The following ATXN7 variants were observed in gnomAD, a reference collection of about 807,000 sequenced individuals.
ATXN7 encodes the protein ataxin 7.
A neutral mutation model predicts 70.5 loss-of-function variants in ATXN7; 12 were observed. The observed-to-expected ratio is 0.17, with a 90% CI of 0.11 to 0.28. The LOEUF is 0.28. Among genes scored for constraint, ATXN7 ranks in the 10% least tolerant of loss-of-function variants. The pLI, the probability that ATXN7 is intolerant of heterozygous loss-of-function variation, is 1.00. For synonymous variants in ATXN7, 498 were observed against 448.7 expected, an observed-to-expected ratio of 1.11 and a Z score of -1.39; for missense variants, 1,256 against 1,131.7, an observed-to-expected ratio of 1.11 and a Z score of -1.58.
chr3:63,991,149 G>A (rs2075665369), intron 11 of ATXN7, among the ~76,000 whole-genome samples: 1 of 152,158 alleles, frequency 6.6e-6, no homozygotes, highest in Non-Finnish European at 1.5e-5. Flanking sequence ...GAAGAATAAG[G>A]AGATGATAGC....
chr3:63,896,915 T>A (rs978512674), intron 1 of ATXN7, among the ~76,000 whole-genome samples: 2 of 152,142 alleles, frequency 1.3e-5, no homozygotes, highest in Admixed American at 6.5e-5. Context: ...AGTGTCCAGA[T>A]GGAAAATTGA....
At chr3:63,997,538 C>A (rs1429651024) in intron 12 of ATXN7, 1 of 1,183,358 alleles carries the variant, frequency 8.5e-7, no homozygotes, top group Non-Finnish European at 1.2e-6. Flanking sequence ...CTGCCTGTTA[C>A]TGACCTCACC....
intron 4 of ATXN7, among the ~76,000 whole-genome samples, chr3:63,949,483 C>T (rs1223020165): frequency 1.3e-5 from 2 of 152,080 alleles, no homozygotes; most frequent in Non-Finnish European, 2.9e-5. Flanking sequence ...ATGGCAACCT[C>T]CACCTCCCAG....
chr3:63,998,691 C>G, intron 12 of ATXN7: 2 of 984,548 alleles, frequency 2.0e-6, no homozygotes, highest in Non-Finnish European at 2.4e-6. Context: ...CATTGAACCC[C>G]AAGAAGTATT....
chr3:63,990,893 CTT>C (rs776778468), intron 11 of ATXN7, 34 bp downstream of exon 11: 1 of 1,614,140 alleles, frequency 6.2e-7, no homozygotes, highest in Admixed American at 1.7e-5. Flanking sequence ...GAGGAGCTGA[CTT>C]TACACAGTGC....
intron 1 of ATXN7, among the ~76,000 whole-genome samples, chr3:63,891,625 CACA>C (rs777123063): frequency 2.3e-4 from 35 of 152,210 alleles, no homozygotes; most frequent in Non-Finnish European, 4.7e-4. Flanking sequence ...ACCTGGCTTA[CACA>C]ACATTTTTGT....
intron 5 of ATXN7, among the ~76,000 whole-genome samples, chr3:63,957,141 G>A (rs1035163607): frequency 6.6e-6 from 1 of 152,208 alleles, no homozygotes; most frequent in African/African-American, 2.4e-5. Flanking sequence ...GTGCTCTGCA[G>A]CTTCACTGAG....
chr3:63,922,238 C>T (rs1704538795), intron 4 of ATXN7, among the ~76,000 whole-genome samples: 1 of 152,012 alleles, frequency 6.6e-6, no homozygotes, highest in Non-Finnish European at 1.5e-5. Flanking sequence ...GACGGGGTTT[C>T]ACCATGTTGC....
chr3:63,999,346 G>A, intron 12 of ATXN7, 104 bp from the exon 13 acceptor site: 1 of 941,624 alleles, frequency 1.1e-6, no homozygotes, highest in East Asian at 2.4e-5. Context: ...GGAGACTTTA[G>A]TAGCGTGCAG....
chr3:63,916,342 T>A (rs71298692), intron 4 of ATXN7, among the ~76,000 whole-genome samples: 2,082 of 152,312 alleles, frequency 0.014, 18 homozygotes, highest in Middle Eastern at 0.02. Context: ...GTAGTTCCCC[T>A]GAAATTGTAT....
At position 63,952,437 on chromosome 3, in the gene ATXN7, C is replaced by T. The variant is rs761760983; in HGVS notation, c.453C>T (p.Asn151=). 3.0e-5 allele frequency: 49 copies of T among 1,612,136 alleles called. No homozygotes were observed. The highest frequency in any genetic ancestry group is 5.1e-5 in the Admixed American group (3 of 59,218). ...ATGATTTCTACTTGGTGGTGTGTAA[C>T]GACTGTAATCAGGTTGTCAAACCGC... The part of the protein sequence containing the change: ...AHDDFYLVVC[N]DCNQVVKPQA... Residue 151 remains asparagine (N), a synonymous_variant, in exon 5 of 13, where the codon AAC becomes AAT. Transcript: ENST00000674280.
At chr3:63,895,618 G>A (rs1178303521) in intron 1 of ATXN7, among the ~76,000 whole-genome samples, 1 of 152,170 alleles carries the variant, frequency 6.6e-6, no homozygotes, top group African/African-American at 2.4e-5. Flanking sequence ...ACCTAGGGAA[G>A]GAAGTGCTTT....
rs751299279 is a variant in ATXN7 at position 63,990,779 on chromosome 3, C to T, written c.1602C>T (p.Tyr534=). Residue 534 remains tyrosine, a synonymous_variant, in exon 11 of 13, where the codon TAC becomes TAT. Coordinates refer to ENST00000674280, the MANE Select transcript of ATXN7 (RefSeq NM_001377405.1). ...FGSRQIGRGY[Y]VFDSRWNRLR... is the part of the protein sequence containing the mutation. The stretch of plus-strand genomic sequence containing the variant: ...GCCGGCAGATAGGAAGAGGCTATTA[C>T]GTGTTTGACTCCAGGTGGAATCGAC... The T allele has an allele frequency of 2.5e-5, 40 of 1,614,160 alleles. No individual in the cohort carries two copies. The highest frequency in any genetic ancestry group is 1.7e-4 in the Admixed American group (10 of 60,010).
At chr3:63,950,509 C>T (rs568514888) in intron 4 of ATXN7, among the ~76,000 whole-genome samples, 25 of 152,132 alleles carry the variant, frequency 1.6e-4, no homozygotes, top group Non-Finnish European at 2.5e-4. Flanking sequence ...CATTTGATAT[C>T]TATCTCACAC....
chr3:63,914,203 T>G (rs1375116736), intron 4 of ATXN7, among the ~76,000 whole-genome samples: 2 of 152,244 alleles, frequency 1.3e-5, no homozygotes, highest in East Asian at 3.8e-4. Context: ...CTTTGGCAAC[T>G]GGAACATTTT....
In ATXN7 at chr3:63,959,567, G is replaced by C. The variant is rs188047388; in HGVS notation, c.499+7084G>C. Reference sequence around the variant, plus strand: ...TTAGAGAGTGATAGCGTGACATACAGTGTATTCATTTTTTTCTCTGCTACA... The same window carrying C: ...TTAGAGAGTGATAGCGTGACATACACTGTATTCATTTTTTTCTCTGCTACA... On this transcript the variant is annotated intron_variant, in intron 5 of 12. Coordinates refer to ENST00000674280, the MANE Select transcript of ATXN7 (RefSeq NM_001377405.1). Among the ~76,000 whole-genome samples the C allele has an allele frequency of 1.7e-3, 260 of 152,208 alleles. 1 individual carries two copies. The highest frequency in any genetic ancestry group is 6.0e-3 in the African/African-American group (248 of 41,542).
At chr3:63,962,578 C>A (rs982353130) in intron 5 of ATXN7, among the ~76,000 whole-genome samples, 2 of 151,690 alleles carry the variant, frequency 1.3e-5, no homozygotes, top group Non-Finnish European at 2.9e-5. Context: ...CTAATTTGTG[C>A]ATTTTTAGTA....
chr3:63,884,884 C>T (rs544052578), intron 1 of ATXN7, among the ~76,000 whole-genome samples: 198 of 151,362 alleles, frequency 1.3e-3, no homozygotes, highest in African/African-American at 4.1e-3. Context: ...GTCTTGAACT[C>T]CTGGGCTCAA....
chr3:63,951,614 A>G (rs1446421803), intron 4 of ATXN7, among the ~76,000 whole-genome samples: 2 of 152,212 alleles, frequency 1.3e-5, no homozygotes, highest in Non-Finnish European at 2.9e-5. Flanking sequence ...GTTGTTCATA[A>G]TTAATTGAAT....
Sources: gnomAD v4.1 joint callset for allele counts (sites outside exome capture counted in the v4.1 genomes callset) on GRCh38, gnomAD v4.1.1 for gene constraint, MANE v1.5 for transcripts, NCBI Gene and HGNC (gene_info 2026-07-23, HGNC 2026-07-21) for gene names.